The following GPC5 variants were observed in gnomAD, a reference collection of about 807,000 sequenced individuals.
GPC5 encodes the protein glypican 5.
In GPC5, 47 loss-of-function variants were observed where a neutral mutation model predicts 53.9. The observed-to-expected ratio is 0.87, with a 90% CI of 0.69 to 1.11. GPC5 has a LOEUF of 1.11. Among genes scored for constraint, GPC5 ranks in the 50% most tolerant of loss-of-function variants. GPC5 has a pLI of 0.00. For synonymous variants in GPC5, 286 were observed against 263.3 expected, an observed-to-expected ratio of 1.09 and a Z score of -0.84; for missense variants, 748 against 713.1, an observed-to-expected ratio of 1.05 and a Z score of -0.56.
At chr13:92,296,830 AT>A (rs1383590352) in intron 7 of GPC5, among the ~76,000 whole-genome samples, 1 of 152,182 alleles carries the variant, frequency 6.6e-6, no homozygotes, top group Admixed American at 6.5e-5. Flanking sequence ...CGGAGGGTGT[AT>A]TGGGTCCCCC....
At chr13:92,161,310 A>T (rs2041986358) in intron 7 of GPC5, among the ~76,000 whole-genome samples, 1 of 152,302 alleles carries the variant, frequency 6.6e-6, no homozygotes, top group South Asian at 2.1e-4. Context: ...ACTATTTCCA[A>T]TAAAGCTTGA....
At chr13:91,771,911 A>G (rs920604814) in intron 5 of GPC5, among the ~76,000 whole-genome samples, 1 of 152,232 alleles carries the variant, frequency 6.6e-6, no homozygotes, top group African/African-American at 2.4e-5. Context: ...TCTGTTCAAT[A>G]GTTCTTCAAT....
intron 6 of GPC5, among the ~76,000 whole-genome samples, chr13:92,132,144 T>A (rs2041749436): frequency 6.6e-6 from 1 of 152,062 alleles, no homozygotes; most frequent in African/African-American, 2.4e-5. Context: ...ATAAATTTCC[T>A]CAGGAAAAAA....
chr13:92,837,467 C>A (rs1449019679), intron 7 of GPC5, among the ~76,000 whole-genome samples: 1 of 152,110 alleles, frequency 6.6e-6, no homozygotes, highest in Non-Finnish European at 1.5e-5. Flanking sequence ...TTGCCCTTTA[C>A]TTGCACTAGT....
intron 1 of GPC5, among the ~76,000 whole-genome samples, chr13:91,440,442 C>T (rs1372249201): frequency 1.3e-5 from 2 of 152,132 alleles, no homozygotes; most frequent in South Asian, 4.1e-4. Context: ...TTTTCAGTTA[C>T]AGAATTTCCA....
intron 7 of GPC5, among the ~76,000 whole-genome samples, chr13:92,342,134 T>A (rs2043371887): frequency 6.6e-6 from 1 of 152,118 alleles, no homozygotes. Context: ...TCACTTCAAA[T>A]TGTTTGATTC....
intron 7 of GPC5, among the ~76,000 whole-genome samples, chr13:92,284,168 A>G (rs938930323): frequency 6.6e-6 from 1 of 152,162 alleles, no homozygotes; most frequent in African/African-American, 2.4e-5. Context: ...GGACACATAC[A>G]CCCTTCCAAG....
rs1313028365 is a variant in GPC5, at chr13:92,198,279, T to C, written c.1561+53290T>C. Among the ~76,000 whole-genome samples the C allele has an allele frequency of 2.0e-5, 3 of 152,366 alleles. No homozygotes were observed. The South Asian group carries it at 6.2e-4, about 32-fold the overall frequency. On this transcript the variant is annotated intron_variant, in intron 7 of 7. Coordinates refer to ENST00000377067, the MANE Select transcript of GPC5 (RefSeq NM_004466.6). Reference sequence around the variant, plus strand: ...ACCTTCATGAGAACAGCATCCTTACTGGTGCTACATTCCTCTATATCCTTT... The same window carrying C: ...ACCTTCATGAGAACAGCATCCTTACCGGTGCTACATTCCTCTATATCCTTT...
chr13:92,331,099 C>T (rs1380851198), intron 7 of GPC5, among the ~76,000 whole-genome samples: 2 of 152,040 alleles, frequency 1.3e-5, no homozygotes, highest in East Asian at 1.9e-4. Flanking sequence ...TAATAAGGAT[C>T]GGTACATGTC....
chr13:92,750,257 A>G (rs569377324), intron 7 of GPC5, among the ~76,000 whole-genome samples: 1 of 152,292 alleles, frequency 6.6e-6, no homozygotes, highest in South Asian at 2.1e-4. Context: ...TGTAAACTGT[A>G]AGAAAACTGA....
intron 5 of GPC5, among the ~76,000 whole-genome samples, chr13:91,798,475 G>A (rs2038082673): frequency 1.3e-5 from 2 of 152,150 alleles, no homozygotes; most frequent in South Asian, 4.1e-4. Flanking sequence ...GTTTGCCGAG[G>A]ATAACAGCTT....
intron 7 of GPC5, among the ~76,000 whole-genome samples, chr13:92,560,623 A>G (rs1882662037): frequency 6.6e-6 from 1 of 151,946 alleles, no homozygotes; most frequent in South Asian, 2.1e-4. Context: ...CATAGATGAG[A>G]CTCCATACCA....
At chr13:92,365,872 C>T (rs943712942) in intron 7 of GPC5, among the ~76,000 whole-genome samples, 1 of 151,138 alleles carries the variant, frequency 6.6e-6, no homozygotes, top group Admixed American at 6.6e-5. Context: ...GAAGGACTTG[C>T]CTGAGGCTGT....
intron 5 of GPC5, among the ~76,000 whole-genome samples, chr13:91,759,112 G>T (rs2037355235): frequency 6.6e-6 from 1 of 152,062 alleles, no homozygotes; most frequent in Non-Finnish European, 1.5e-5. Flanking sequence ...AATGCCCCAA[G>T]TAAGTTGATT....
intron 6 of GPC5, among the ~76,000 whole-genome samples, chr13:91,948,826 T>G (rs540062622): frequency 6.6e-6 from 1 of 152,340 alleles, no homozygotes; most frequent in African/African-American, 2.4e-5. Flanking sequence ...CAAAGTAAAT[T>G]AGCCATGCAA....
intron 7 of GPC5, among the ~76,000 whole-genome samples, chr13:92,553,889 T>C (rs527552998): frequency 2.0e-5 from 3 of 152,138 alleles, no homozygotes; most frequent in Middle Eastern, 3.4e-3. Flanking sequence ...ATCTACATAC[T>C]TCATATTTAA....
intron 5 of GPC5, among the ~76,000 whole-genome samples, chr13:91,902,628 A>T (rs2039509148): frequency 6.6e-6 from 1 of 152,058 alleles, no homozygotes; most frequent in Non-Finnish European, 1.5e-5. Context: ...AGACTTCTGT[A>T]GGGATCTTTG....
intron 4 of GPC5, among the ~76,000 whole-genome samples, chr13:91,741,462 T>A (rs1367991415): frequency 6.6e-6 from 1 of 152,154 alleles, no homozygotes; most frequent in Non-Finnish European, 1.5e-5. Flanking sequence ...TAATATCCTG[T>A]ACATTACAGA....
At chr13:91,773,904 A>C (rs2037666946) in intron 5 of GPC5, among the ~76,000 whole-genome samples, 1 of 152,190 alleles carries the variant, frequency 6.6e-6, no homozygotes, top group Non-Finnish European at 1.5e-5. Context: ...GCTATTCACC[A>C]ACAAATTTTA....
Sources: gnomAD v4.1 joint callset for allele counts (sites outside exome capture counted in the v4.1 genomes callset) on GRCh38, gnomAD v4.1.1 for gene constraint, MANE v1.5 for transcripts, NCBI Gene and HGNC (gene_info 2026-07-23, HGNC 2026-07-21) for gene names.